The following ALMS1 variants were observed in gnomAD, a reference collection of about 807,000 sequenced individuals.
The protein encoded by ALMS1 is ALMS1 centrosome and basal body associated protein.
A neutral mutation model predicts 352.2 loss-of-function variants in ALMS1; 271 were observed. The ratio of observed to expected loss-of-function variants is 0.77; its 90% confidence interval spans 0.70 to 0.85. The LOEUF is 0.85. ALMS1 is among the 40% of genes least tolerant of loss of function. ALMS1 has a pLI of 0.00. For synonymous variants in ALMS1, 1,865 were observed against 1,761.2 expected (o/e 1.06, Z -1.48); for missense variants, 5,445 against 4,870.7 (o/e 1.12, Z -3.51).
chr2:73,408,955 C>T (rs564704369), intron 2 of ALMS1, among the ~76,000 whole-genome samples: 1 of 149,580 alleles, frequency 6.7e-6, no homozygotes, highest in South Asian at 2.1e-4. Flanking sequence ...TTACTGCACC[C>T]TCCAACTTCT....
chr2:73,434,869 T>C (rs1026915629), intron 7 of ALMS1, among the ~76,000 whole-genome samples: 1 of 152,192 alleles, frequency 6.6e-6, no homozygotes, highest in Non-Finnish European at 1.5e-5. Context: ...AGTGCGTGGC[T>C]CACTGCAACC....
intron 16 of ALMS1, among the ~76,000 whole-genome samples, chr2:73,596,443 A>G (rs1286563706): frequency 6.8e-6 from 1 of 146,792 alleles, no homozygotes; most frequent in African/African-American, 2.5e-5. Context: ...TGGAATTTTC[A>G]TTCTGTTCCA....
rs28730855 is a variant in ALMS1, at chr2:73,453,279, A to G, written c.6752A>G (p.Asp2251Gly). 8.8e-4 allele frequency: 1,417 copies of G among 1,614,006 alleles called. 12 individuals carry two copies. In the African/African-American group the frequency reaches 0.016, roughly 18 times the overall value. ...GATGTTGGCTCTGAAGAAATCCAGGATGCAGAAAATAGTGCTAAAACTCTT... is the reference window on the plus strand; with the variant it reads ...GATGTTGGCTCTGAAGAAATCCAGGGTGCAGAAAATAGTGCTAAAACTCTT... ...FRDVGSEEIQ[D>G]AENSAKTLKE... Residue 2251 changes from aspartate to glycine, a missense_variant, in exon 8 of 23, where the codon GAT (aspartate) becomes GGT (glycine). Coordinates refer to ENST00000613296, the MANE Select transcript of ALMS1 (RefSeq NM_001378454.1).
At chr2:73,603,383 G>A in intron 21 of ALMS1, 79 bp downstream of exon 21, 1 of 1,259,910 alleles carries the variant, frequency 7.9e-7, no homozygotes, top group Non-Finnish European at 1.2e-6. Context: ...CTTGCACCCA[G>A]AATAAATGTA....
At position 73,461,583 on chromosome 2, in the gene ALMS1, G is replaced by A. The variant is rs148603173; in HGVS notation, c.7674+6288G>A. 6.4e-3 allele frequency among the ~76,000 whole-genome samples: 969 copies of A among 152,318 alleles called. 12 individuals are homozygous for A. Among genetic ancestry groups the A allele is most frequent in the African/African-American group, 0.021 (857 of 41,574 alleles). On this transcript the variant is annotated intron_variant, in intron 9 of 22. Transcript: ENST00000613296. ...TCCAAAGGAACGCAGCTCCTCAGCA[G>A]CAACGGAACAAAGCTGGATGGACAA...
intron 9 of ALMS1, among the ~76,000 whole-genome samples, chr2:73,482,279 T>C (rs989161160): frequency 8.5e-5 from 13 of 152,214 alleles, no homozygotes; most frequent in African/African-American, 3.1e-4. Context: ...TGAGAGTTTT[T>C]AGCATGAAGT....
chr2:73,407,502 A>G (rs887314877), intron 1 of ALMS1, among the ~76,000 whole-genome samples: 3 of 152,228 alleles, frequency 2.0e-5, no homozygotes, highest in Admixed American at 6.5e-5. Flanking sequence ...GTTACTCACC[A>G]GAATTAAAAT....
At chr2:73,588,022 A>G (rs1675346644) in intron 16 of ALMS1, among the ~76,000 whole-genome samples, 1 of 152,196 alleles carries the variant, frequency 6.6e-6, no homozygotes, top group African/African-American at 2.4e-5. Context: ...TTGAAACAGT[A>G]ATTTAAAAAA....
At chr2:73,595,808 C>T (rs886690026) in intron 16 of ALMS1, among the ~76,000 whole-genome samples, 9 of 152,160 alleles carry the variant, frequency 5.9e-5, no homozygotes, top group African/African-American at 1.7e-4. Context: ...TATTGTCCAC[C>T]TTTTTATTTA....
intron 1 of ALMS1, among the ~76,000 whole-genome samples, chr2:73,393,809 AG>A (rs1670701259): frequency 6.6e-6 from 1 of 150,542 alleles, no homozygotes; most frequent in African/African-American, 2.4e-5. Context: ...ACCTTATTCC[AG>A]GAAACACTTT....
chr2:73,427,521 G>A (rs946943596), intron 6 of ALMS1, among the ~76,000 whole-genome samples: 4 of 151,616 alleles, frequency 2.6e-5, no homozygotes, highest in African/African-American at 9.7e-5. Context: ...AAGTTCTGGG[G>A]CACATGTGCA....
chr2:73,452,202 C>T lies in ALMS1; in HGVS notation c.5675C>T (p.Ser1892Phe). 1.2e-6 allele frequency: 2 copies of T among 1,614,004 alleles called. No individual in the cohort carries two copies. The highest frequency in any genetic ancestry group is 1.7e-6 in the Non-Finnish European group (2 of 1,180,000). ...ADQKTGIQIA[S>F]SSSYSNREKA... Reference sequence around the variant, plus strand: ...CAGAAGACTGGGATACAAATAGCATCCTCTAGTTCCTACTCAAATAGAGAG... The same window carrying T: ...CAGAAGACTGGGATACAAATAGCATTCTCTAGTTCCTACTCAAATAGAGAG... The change falls in exon 8 of 23, where the codon TCC (serine) becomes TTC (phenylalanine). Residue 1892 changes from serine (S) to phenylalanine (F), a missense_variant. Ser to Phe is a radical substitution (Grantham distance 155). Coordinates refer to ENST00000613296, the MANE Select transcript of ALMS1 (RefSeq NM_001378454.1).
rs1330193296 is a variant in ALMS1, at chr2:73,498,520, T to C, written c.9539+7022T>C. ...ATTCATTCTTTCTATTTTGTGTGTG[T>C]GTGTGTGTGTGCCCATTAACCATCC... On this transcript the variant is annotated intron_variant, in intron 10 of 22. Transcript: ENST00000613296. Among the ~76,000 whole-genome samples the C allele has an allele frequency of 2.6e-5, 4 of 151,906 alleles. No individual in the cohort carries two copies. The East Asian group carries it at 7.7e-4, about 29-fold the overall frequency.
At chr2:73,466,426 T>G (rs1228764805) in intron 9 of ALMS1, among the ~76,000 whole-genome samples, 7 of 138,940 alleles carry the variant, frequency 5.0e-5, no homozygotes, top group Non-Finnish European at 1.0e-4. Flanking sequence ...TAGGTGGGAA[T>G]TGAACAATGA....
At chr2:73,579,734 G>A (rs1044291899) in intron 16 of ALMS1, among the ~76,000 whole-genome samples, 1 of 152,030 alleles carries the variant, frequency 6.6e-6, no homozygotes, top group African/African-American at 2.4e-5. Context: ...ATGGTTTCTG[G>A]TGAGAAATTA....
In ALMS1 at chr2:73,451,964, A is replaced by G; in HGVS notation, c.5437A>G (p.Ile1813Val). Residue 1813 changes from isoleucine (I) to valine (V), a missense_variant, in exon 8 of 23, where the codon ATT becomes GTT. Ile to Val is a conservative substitution (Grantham distance 29). Coordinates refer to ENST00000613296, the MANE Select transcript of ALMS1 (RefSeq NM_001378454.1). Reference protein sequence around the residue: ...STSYSHREKPIVSYQRELPHF... With the variant: ...STSYSHREKPVVSYQRELPHF... The stretch of plus-strand genomic sequence containing the variant: ...TTCCTACTCACACAGAGAGAAGCCC[A>G]TTGTTTCCTACCAGCGAGAGTTGCC... 2 of 1,613,488 alleles carry G rather than the reference A, an allele frequency of 1.2e-6. No individual in the cohort carries two copies. The highest frequency in any genetic ancestry group is 2.2e-5 in the East Asian group (1 of 44,814).
At position 73,491,133 on chromosome 2, in the gene ALMS1, G is replaced by T. The variant is rs773703427; in HGVS notation, c.9174G>T (p.Lys3058Asn). 1.2e-6 allele frequency: 2 copies of T among 1,614,170 alleles called. No homozygotes were observed. Among genetic ancestry groups the T allele is most frequent in the Non-Finnish European group, 1.7e-6 (2 of 1,180,026 alleles). Residue 3058 changes from lysine to asparagine, a missense_variant, in exon 10 of 23, where the codon AAG becomes AAT. By Grantham distance (94) the Lys-to-Asn change is moderately conservative (BLOSUM62 0). Coordinates refer to ENST00000613296, the MANE Select transcript of ALMS1 (RefSeq NM_001378454.1). ...CTCTTTGTCCCAAGACTTCTTCCAAGTTGGATAGTGGAACTTTAGATGAAA... is the reference window on the plus strand; with the variant it reads ...CTCTTTGTCCCAAGACTTCTTCCAATTTGGATAGTGGAACTTTAGATGAAA... Reference protein sequence around the residue: ...HITLCPKTSSKLDSGTLDERF... With the variant: ...HITLCPKTSSNLDSGTLDERF...
intron 16 of ALMS1, among the ~76,000 whole-genome samples, chr2:73,579,385 G>A (rs1260460464): frequency 6.7e-6 from 1 of 148,186 alleles, no homozygotes; most frequent in Admixed American, 6.8e-5. Flanking sequence ...TTTTAAGATG[G>A]AGTCTCACTC....
At chr2:73,557,934 AG>A (rs1356446862) in intron 14 of ALMS1, among the ~76,000 whole-genome samples, 2 of 152,226 alleles carry the variant, frequency 1.3e-5, no homozygotes, top group East Asian at 3.8e-4. Flanking sequence ...GGTACTCCAG[AG>A]TATCGGAACA....
Sources: gnomAD v4.1 joint callset for allele counts (sites outside exome capture counted in the v4.1 genomes callset) on GRCh38, gnomAD v4.1.1 for gene constraint, MANE v1.5 for transcripts, NCBI Gene and HGNC (gene_info 2026-07-23, HGNC 2026-07-21) for gene names.